Variants in RPS6KA3 observed in about 807,000 individuals in gnomAD.
RPS6KA3 encodes ribosomal protein S6 kinase alpha-3.
Under a neutral mutation model 67.2 loss-of-function variants are expected in RPS6KA3, and 4 were observed. The ratio of observed to expected loss-of-function variants is 0.06; its 90% CI spans 0.03 to 0.14. RPS6KA3 has a LOEUF of 0.14. Among genes scored for constraint, RPS6KA3 ranks in the 10% least tolerant of loss-of-function variants. The pLI, the probability that RPS6KA3 is intolerant of heterozygous loss-of-function variation, is 1.00. For missense variants in RPS6KA3, 204 were observed against 559.0 expected (o/e 0.36, Z 6.40); for synonymous variants, 182 against 183.7 (o/e 0.99, Z 0.07).
At chrX:20,212,385 C>T (rs1021409259) in intron 2 of RPS6KA3, among the ~76,000 whole-genome samples, 17 of 110,739 alleles carry the variant, frequency 1.5e-4, no homozygotes. Flanking sequence ...GTAATCCCAG[C>T]TACTTGGGAG....
At chrX:20,255,090 C>T (rs2070001200) in intron 1 of RPS6KA3, among the ~76,000 whole-genome samples, 1 of 112,373 alleles carries the variant, frequency 8.9e-6, no homozygotes, top group African/African-American at 3.2e-5. Flanking sequence ...TTTCCAACGT[C>T]CATCAACTGA....
intron 3 of RPS6KA3, among the ~76,000 whole-genome samples, chrX:20,209,008 T>G (rs1476610646): frequency 9.0e-6 from 1 of 111,198 alleles, no homozygotes. Context: ...CAAGGGAATA[T>G]CTTGTGATTT....
chrX:20,194,702 G>GT, intron 5 of RPS6KA3, among the ~76,000 whole-genome samples: 1 of 110,519 alleles, frequency 9.0e-6, no homozygotes, highest in Non-Finnish European at 1.9e-5. Flanking sequence ...AGTGACAATG[G>GT]TTTTAGGATG....
chrX:20,177,094 A>C lies in RPS6KA3; in HGVS notation c.846-10T>G. Reference sequence around the variant, plus strand: ...CATTCCAAGTTTGGCTCTAAATAATAAATCCACATAATATTTTATTTTTTG... The same window carrying C: ...CATTCCAAGTTTGGCTCTAAATAATCAATCCACATAATATTTTATTTTTTG... On this transcript the variant is annotated splice_polypyrimidine_tract_variant and intron_variant, in intron 10 of 21. Coordinates refer to ENST00000379565, the MANE Select transcript of RPS6KA3 (RefSeq NM_004586.3). The C allele has an allele frequency of 8.8e-7, 1 of 1,134,552 alleles. No homozygotes were observed. Among genetic ancestry groups the C allele is most frequent in the East Asian group, 3.0e-5 (1 of 33,545 alleles). 93.5% of individuals were successfully genotyped at this position (1,134,552 alleles called of 1,213,427 possible).
At chrX:20,168,957 A>G (rs1029576983) in intron 16 of RPS6KA3, among the ~76,000 whole-genome samples, 3 of 111,365 alleles carry the variant, frequency 2.7e-5, no homozygotes, top group African/African-American at 9.8e-5. Flanking sequence ...GGCTGAAGCA[A>G]TCCTCCCACC....
chrX:20,199,684 T>C (rs781308673), intron 4 of RPS6KA3, among the ~76,000 whole-genome samples: 1 of 111,769 alleles, frequency 8.9e-6, no homozygotes, highest in East Asian at 2.8e-4. Context: ...TCATATGATA[T>C]AGTTTTAGAA....
chrX:20,182,696 T>C (rs763807255), intron 10 of RPS6KA3, among the ~76,000 whole-genome samples: 149 of 111,937 alleles, frequency 1.3e-3, no homozygotes, highest in African/African-American at 4.6e-3. Context: ...CTAGATTCTT[T>C]TAACATGGGT....
chrX:20,158,623 G>A (rs1488717127), intron 20 of RPS6KA3, among the ~76,000 whole-genome samples: 2 of 111,473 alleles, frequency 1.8e-5, no homozygotes, highest in African/African-American at 6.5e-5. Flanking sequence ...CTGAAAGTAG[G>A]CAAAAGTGCT....
At position 20,177,101 on chromosome X, in the gene RPS6KA3, C is replaced by T; in HGVS notation, c.846-17G>A. ...AGTTTGGCTCTAAATAATAAATCCACATAATATTTTATTTTTTGGAGGCAT... is the reference window on the plus strand; with the variant it reads ...AGTTTGGCTCTAAATAATAAATCCATATAATATTTTATTTTTTGGAGGCAT... On this transcript the variant is annotated splice_polypyrimidine_tract_variant and intron_variant, in intron 10 of 21. Coordinates refer to ENST00000379565, the MANE Select transcript of RPS6KA3 (RefSeq NM_004586.3). The T allele has an allele frequency of 2.7e-6, 3 of 1,115,295 alleles. No individual in the cohort carries two copies. The highest frequency in any genetic ancestry group is 3.7e-6 in the Non-Finnish European group (3 of 810,179). 91.9% of individuals were successfully genotyped at this position (1,115,295 alleles called of 1,213,427 possible).
At chrX:20,190,978 G>A (rs888354120) in intron 7 of RPS6KA3, among the ~76,000 whole-genome samples, 1 of 109,444 alleles carries the variant, frequency 9.1e-6, no homozygotes, top group Non-Finnish European at 1.9e-5. Flanking sequence ...CCATTAACCC[G>A]TCATTTACAT....
chrX:20,202,008 T>C (rs371767934), intron 4 of RPS6KA3, among the ~76,000 whole-genome samples: 1 of 101,677 alleles, frequency 9.8e-6, no homozygotes, highest in East Asian at 3.0e-4. Flanking sequence ...AGACGGAGTT[T>C]TGCTCTTGTC....
chrX:20,207,770 A>G (rs1295867269), intron 3 of RPS6KA3, among the ~76,000 whole-genome samples: 1 of 112,126 alleles, frequency 8.9e-6, no homozygotes, highest in African/African-American at 3.2e-5. Context: ...CTTACTCTTT[A>G]TTTGGATTAA....
intron 17 of RPS6KA3, among the ~76,000 whole-genome samples, chrX:20,166,810 C>A (rs759228545): frequency 9.5e-6 from 1 of 105,496 alleles, no homozygotes; most frequent in Admixed American, 1.0e-4. Flanking sequence ...CTCCGCCTCT[C>A]GGGTTCAAGC....
At chrX:20,266,450 G>A in intron 1 of RPS6KA3, 114 bp downstream of exon 1, 1 of 618,159 alleles carries the variant, frequency 1.6e-6, no homozygotes, top group Middle Eastern at 4.8e-4. Flanking sequence ...TGAGCCCGGG[G>A]GAAAGACGCG....
chrX:20,256,311 T>C (rs1452055342), intron 1 of RPS6KA3, among the ~76,000 whole-genome samples: 1 of 109,904 alleles, frequency 9.1e-6, no homozygotes, highest in African/African-American at 3.3e-5. Context: ...AGCAAGATAA[T>C]TGTTAACATT....
At chrX:20,183,108 T>C (rs1017643495) in intron 10 of RPS6KA3, among the ~76,000 whole-genome samples, 1 of 111,699 alleles carries the variant, frequency 9.0e-6, no homozygotes, top group Non-Finnish European at 1.9e-5. Context: ...CATGTTTTTA[T>C]TGGGTTGGCT....
At chrX:20,234,960 C>G in intron 1 of RPS6KA3, 146 bp from the exon 2 acceptor site, 6 of 462,484 alleles carry the variant, frequency 1.3e-5, no homozygotes, top group Non-Finnish European at 1.5e-5. Flanking sequence ...TATGAGTATG[C>G]AGTTGCTAAA....
At chrX:20,227,141 C>G (rs1208688373) in intron 2 of RPS6KA3, among the ~76,000 whole-genome samples, 1 of 111,543 alleles carries the variant, frequency 9.0e-6, no homozygotes, top group Non-Finnish European at 1.9e-5. Context: ...ATTCCCCCAC[C>G]TCTTCCCCCA....
intron 4 of RPS6KA3, among the ~76,000 whole-genome samples, chrX:20,200,863 T>C (rs1007688411): frequency 1.2e-4 from 13 of 110,539 alleles, no homozygotes; most frequent in African/African-American, 4.3e-4. Flanking sequence ...TTCTATTTTT[T>C]GTAGAGATGA....
Sources: allele counts gnomAD v4.1 joint callset (sites outside exome capture counted in the v4.1 genomes callset), GRCh38; gene constraint gnomAD v4.1.1; transcripts MANE v1.5; gene names NCBI Gene and HGNC (gene_info 2026-07-23, HGNC 2026-07-21).